The following CYP4X1 variants were observed in gnomAD, a reference collection of about 807,000 sequenced individuals.
CYP4X1 encodes cytochrome P450 4X1.
In CYP4X1, 44 loss-of-function variants were observed where a neutral mutation model predicts 57.9. The observed-to-expected ratio is 0.76, with a 90% CI of 0.60 to 0.98. The LOEUF (loss-of-function observed/expected upper bound fraction) is 0.98, where lower values mean the gene tolerates loss of function less well. Among genes scored for constraint, CYP4X1 ranks in the 50% least tolerant of loss-of-function variants. The probability of loss-of-function intolerance (pLI) is 0.00; values close to 1 mark genes in which losing one functional copy is unlikely to be tolerated. For synonymous variants in CYP4X1, 227 were observed against 228.6 expected, an observed-to-expected ratio of 0.99 and a Z score of 0.06; for missense variants, 532 against 623.9, an observed-to-expected ratio of 0.85 and a Z score of 1.57.
At chr1:46,994,234 T>C in the CYP4X1 span, 1 of 152,206 alleles carries the variant, frequency 6.6e-6, no homozygotes, top group Non-Finnish European at 1.5e-5. Context: ...AAAGATCAGA[T>C]GGTTGTAGAT....
At chr1:47,046,713 C>A in intron 9 of CYP4X1, 113 bp downstream of exon 9, 1 of 1,477,910 alleles carries the variant, frequency 6.8e-7, no homozygotes, top group Non-Finnish European at 9.2e-7. Flanking sequence ...ATAATGCTAA[C>A]ATGTGACTTA....
chr1:47,010,614 T>A, the CYP4X1 span, among the ~76,000 whole-genome samples: 6 of 152,152 alleles, frequency 3.9e-5, 1 homozygote, highest in African/African-American at 1.4e-4. Flanking sequence ...AAAGAGAAAG[T>A]CAAATTGTCC....
intron 8 of CYP4X1, among the ~76,000 whole-genome samples, chr1:47,041,663 T>G (rs1644247962): frequency 6.6e-6 from 1 of 152,160 alleles, no homozygotes; most frequent in South Asian, 2.1e-4. Flanking sequence ...GAGTTCCTCA[T>G]ATATTTTGAA....
the CYP4X1 span, among the ~76,000 whole-genome samples, chr1:46,978,031 G>A: frequency 6.6e-6 from 1 of 152,106 alleles, no homozygotes; most frequent in Non-Finnish European, 1.5e-5. Context: ...ATGCCAGATT[G>A]TAAAGACCAT....
In CYP4X1 at chr1:47,047,591, C is replaced by CTGTGTG. The variant is rs57366027; in HGVS notation, c.1208-963_1208-958dup. ...GGATCTGCATGACAGAATCACAGTT[C>CTGTGTG]TGTGTGTGTGTGTGTGCGTTTTCCT... On this transcript the variant is annotated intron_variant, in intron 9 of 11. Coordinates refer to ENST00000371901, the MANE Select transcript of CYP4X1 (RefSeq NM_178033.2). Among the ~76,000 whole-genome samples, 964 of 151,192 alleles carry CTGTGTG rather than the reference C, an allele frequency of 6.4e-3. 10 individuals carry two copies. The highest frequency in any genetic ancestry group is 0.021 in the African/African-American group (870 of 41,268).
At chr1:46,991,124 T>C in the CYP4X1 span, among the ~76,000 whole-genome samples, 538 of 152,026 alleles carry the variant, frequency 3.5e-3, 4 homozygotes, top group African/African-American at 0.012. Context: ...CACAGAAATG[T>C]TCCCCCTCTT....
chr1:46,976,734 T>C, the CYP4X1 span, among the ~76,000 whole-genome samples: 15 of 152,142 alleles, frequency 9.9e-5, no homozygotes, highest in Non-Finnish European at 1.9e-4. Context: ...GGTGCCCCTC[T>C]GAGATGAAGC....
chr1:47,047,867 G>A (rs975187446), intron 9 of CYP4X1, among the ~76,000 whole-genome samples: 10 of 152,074 alleles, frequency 6.6e-5, no homozygotes, highest in Non-Finnish European at 1.5e-4. Flanking sequence ...AAAGCGCTGG[G>A]ACTACAGCCA....
the CYP4X1 span, among the ~76,000 whole-genome samples, chr1:46,982,112 C>T: frequency 6.6e-6 from 1 of 152,016 alleles, no homozygotes; most frequent in East Asian, 1.9e-4. Context: ...CACATGTACC[C>T]TAGAACTTAA....
chr1:47,027,137 T>C (rs1194625100), intron 1 of CYP4X1, among the ~76,000 whole-genome samples: 1 of 152,256 alleles, frequency 6.6e-6, no homozygotes, highest in African/African-American at 2.4e-5. Context: ...GCATTCATAG[T>C]GTTTTAGAGT....
chr1:46,985,708 G>C, the CYP4X1 span, among the ~76,000 whole-genome samples: 1 of 152,170 alleles, frequency 6.6e-6, no homozygotes, highest in South Asian at 2.1e-4. Flanking sequence ...AGCCCCCACT[G>C]GTGATACCCA....
upstream of CYP4X1, among the ~76,000 whole-genome samples, chr1:47,019,607 C>G (rs551063506): frequency 6.6e-6 from 1 of 152,186 alleles, no homozygotes; most frequent in Non-Finnish European, 1.5e-5. Flanking sequence ...CCAGTCTGGG[C>G]CACCATCATA....
At chr1:47,043,350 A>G (rs866984860) in intron 8 of CYP4X1, among the ~76,000 whole-genome samples, 12 of 152,214 alleles carry the variant, frequency 7.9e-5, no homozygotes, top group Admixed American at 3.9e-4. Context: ...GATTCTGGAT[A>G]TTAGACCTTT....
At chr1:47,010,985 T>C in the CYP4X1 span, among the ~76,000 whole-genome samples, 2 of 152,122 alleles carry the variant, frequency 1.3e-5, no homozygotes. Flanking sequence ...ATACTGCCCA[T>C]GGTAATTTAT....
chr1:47,023,837 A>C lies in CYP4X1; in HGVS notation c.20A>C (p.Glu7Ala), dbSNP rs1216498834. Residue 7 changes from glutamate (E) to alanine (A), a missense_variant, in exon 1 of 12, where the codon GAG becomes GCG. Glu to Ala is a moderately radical substitution (Grantham distance 107). Transcript: ENST00000371901. MEFSWL[E>A]TRWARPFYLA... is the part of the protein sequence containing the mutation. ...AGAGCCATGGAATTCTCCTGGCTGG[A>C]GACGCGCTGGGCGCGGCCCTTTTAC... 6.2e-7 allele frequency: 1 copy of C among 1,613,122 alleles called. No individual in the cohort carries two copies. Among genetic ancestry groups the C allele is most frequent in the African/African-American group, 1.3e-5 (1 of 74,926 alleles).
At chr1:46,975,333 CT>C in the CYP4X1 span, among the ~76,000 whole-genome samples, 59 of 152,290 alleles carry the variant, frequency 3.9e-4, no homozygotes, top group Admixed American at 2.7e-3. Context: ...TAGCACCCCC[CT>C]GGGACCTTTT....
At chr1:46,975,104 T>A in the CYP4X1 span, among the ~76,000 whole-genome samples, 1 of 152,310 alleles carries the variant, frequency 6.6e-6, no homozygotes, top group South Asian at 2.1e-4. Context: ...AGTGTATGAT[T>A]GAGTTATTAT....
chr1:47,012,500 A>G, the CYP4X1 span, among the ~76,000 whole-genome samples: 2 of 152,208 alleles, frequency 1.3e-5, no homozygotes, highest in African/African-American at 4.8e-5. Flanking sequence ...TGGCACATGT[A>G]TACGTACGTA....
Position 47,036,185 on chromosome 1 carries a change from T to G in CYP4X1, c.775+14T>G. 1 of 1,600,288 alleles carries G rather than the reference T, an allele frequency of 6.2e-7. No homozygotes were observed. Among genetic ancestry groups the G allele is most frequent in the South Asian group, 1.1e-5 (1 of 89,846 alleles). On this transcript the variant is annotated intron_variant, in intron 6 of 11. Transcript: ENST00000371901. ...ATCAGTACACAGGTATTTGTTGGGTTTGGGTTGCCCACGTCCATACGCTGC... is the reference window on the plus strand; with the variant it reads ...ATCAGTACACAGGTATTTGTTGGGTGTGGGTTGCCCACGTCCATACGCTGC...
Sources: gnomAD v4.1 joint callset for allele counts (sites outside exome capture counted in the v4.1 genomes callset) on GRCh38, gnomAD v4.1.1 for gene constraint, MANE v1.5 for transcripts, NCBI Gene and HGNC (gene_info 2026-07-23, HGNC 2026-07-21) for gene names.